Variants in ADCY9 observed in about 807,000 individuals in gnomAD.
ADCY9 encodes the protein adenylate cyclase type 9.
A neutral mutation model predicts 101.5 loss-of-function variants in ADCY9; 50 were observed. That is an observed-to-expected ratio of 0.49 (90% CI 0.39 to 0.62). ADCY9 has a LOEUF of 0.62. ADCY9 is among the 20% of genes least tolerant of loss of function. The pLI, the probability that ADCY9 is intolerant of heterozygous loss-of-function variation, is 0.00. For synonymous variants in ADCY9, 905 were observed against 769.3 expected (o/e 1.18, Z -2.92); for missense variants, 1,662 against 1,800.4 (o/e 0.92, Z 1.39).
chr16:4,102,107 G>A (rs1261182541), intron 2 of ADCY9, among the ~76,000 whole-genome samples: 1 of 152,218 alleles, frequency 6.6e-6, no homozygotes, highest in East Asian at 1.9e-4. Context: ...ACCCTTTAGT[G>A]CAATACGAAA....
intron 2 of ADCY9, among the ~76,000 whole-genome samples, chr16:4,061,727 A>G (rs1306796585): frequency 1.3e-5 from 2 of 152,258 alleles, no homozygotes; most frequent in African/African-American, 4.8e-5. Flanking sequence ...AAGCCCTTCA[A>G]GATGAAAGAA....
Position 3,992,842 on chromosome 16 carries a change from G to T in ADCY9, c.1990-479C>A, listed in dbSNP as rs893007340. Among the ~76,000 whole-genome samples the T allele has an allele frequency of 6.6e-6, 1 of 152,144 alleles. No individual in the cohort carries two copies. The highest frequency in any genetic ancestry group is 1.5e-5 in the Non-Finnish European group (1 of 68,016). On this transcript the variant is annotated intron_variant, in intron 4 of 10. Transcript: ENST00000294016. This position sits in a 1 kb window ranked among gnomAD's most constrained non-coding sequence, Gnocchi z 4.2. Reference sequence around the variant, plus strand: ...TCCCCCGTGGCTGTGGGAAGGCATGGGATGACCTGCACCTGCAATCCTTTG... The same window carrying T: ...TCCCCCGTGGCTGTGGGAAGGCATGTGATGACCTGCACCTGCAATCCTTTG...
chr16:3,982,574 G>C (rs572375272), intron 7 of ADCY9: 1 of 152,352 alleles, frequency 6.6e-6, no homozygotes, highest in Admixed American at 6.5e-5. Flanking sequence ...ACGCACCTGT[G>C]GTCTATTCGG....
At chr16:4,095,442 G>A (rs1383696261) in intron 2 of ADCY9, among the ~76,000 whole-genome samples, 2 of 152,082 alleles carry the variant, frequency 1.3e-5, no homozygotes, top group Non-Finnish European at 2.9e-5. Context: ...AGCAACAAGA[G>A]CAAGCAAGTC....
At chr16:3,956,458 G>A (rs982952620) in intron 5 of ADCY9, among the ~76,000 whole-genome samples, 11 of 138,882 alleles carry the variant, frequency 7.9e-5, no homozygotes, top group Admixed American at 7.5e-4. Flanking sequence ...CTGTTAAACA[G>A]CAGGAAGGAC....
chr16:4,002,296 C>T (rs1484207471), intron 3 of ADCY9, among the ~76,000 whole-genome samples: 1 of 151,972 alleles, frequency 6.6e-6, no homozygotes, highest in Non-Finnish European at 1.5e-5. Context: ...AATGAAAAGC[C>T]CCTTACTTCC....
Position 3,992,351 on chromosome 16 carries a change from G to A in ADCY9, c.2002C>T (p.Pro668Ser), listed in dbSNP as rs2056251663. The change falls in exon 5 of 11, where the codon CCT becomes TCT. Residue 668 changes from proline (P) to serine (S), a missense_variant. Pro to Ser is a moderately conservative substitution (Grantham distance 74, BLOSUM62 -1). This residue lies in a region of ADCY9 where 624 missense variants were observed against 639.1 expected (regional missense o/e 0.98). Coordinates refer to ENST00000294016, the MANE Select transcript of ADCY9 (RefSeq NM_001116.4). This position sits in a 1 kb window ranked among gnomAD's most constrained non-coding sequence, Gnocchi z 4.2. ...HKNSTKASGG[P>S]NPKTQNGLLS... ...AGCCCGTTCTGAGTTTTGGGATTAGGTCCTCCAGAAGCCTGCCTCGAGACA... is the reference window on the plus strand; with the variant it reads ...AGCCCGTTCTGAGTTTTGGGATTAGATCCTCCAGAAGCCTGCCTCGAGACA... 1 of 1,613,840 alleles carries A rather than the reference G, an allele frequency of 6.2e-7. No homozygotes were observed. The highest frequency in any genetic ancestry group is 1.3e-5 in the African/African-American group (1 of 74,892).
intron 5 of ADCY9, among the ~76,000 whole-genome samples, chr16:3,956,530 T>G (rs541773710): frequency 2.6e-5 from 3 of 115,524 alleles, no homozygotes; most frequent in Non-Finnish European, 5.3e-5. Flanking sequence ...TCCCTCTGTC[T>G]CCCAGGCTGG....
rs201367484 is a variant in ADCY9, at chr16:3,966,445, G to A, written c.3392C>T (p.Pro1131Leu). The A allele has an allele frequency of 2.2e-5, 36 of 1,614,124 alleles. No homozygotes were observed. In the Admixed American group the frequency reaches 2.5e-4, roughly 11 times the overall value. Reference protein sequence around the residue: ...NTAQAQDGSHPQEHLQILFEF... With the variant: ...NTAQAQDGSHLQEHLQILFEF... ...GAACAGGATCTGCAGGTGCTCCTGC[G>A]GGTGGCTGCCGTCCTGGGCCTGCGC... Residue 1131 changes from proline to leucine, a missense_variant, in exon 11 of 11, where the codon CCG becomes CTG. Pro to Leu is a moderately conservative substitution (Grantham distance 98). Transcript: ENST00000294016.
rs180981939 is a variant in ADCY9, at chr16:4,048,156, A to C, written c.1694-40598T>G. Reference sequence around the variant, plus strand: ...TTTGGGGGAGGGTGGGCTGGGGAACACAAACACCCAATAATTGGAAATTGT... The same window carrying C: ...TTTGGGGGAGGGTGGGCTGGGGAACCCAAACACCCAATAATTGGAAATTGT... On this transcript the variant is annotated intron_variant, in intron 2 of 10. Coordinates refer to ENST00000294016, the MANE Select transcript of ADCY9 (RefSeq NM_001116.4). Among the ~76,000 whole-genome samples the C allele has an allele frequency of 1.4e-3, 215 of 152,312 alleles. 1 individual carries two copies. In the Middle Eastern group the frequency reaches 0.041, roughly 29 times the overall value.
chr16:4,092,366 C>G (rs2056979076), intron 2 of ADCY9, among the ~76,000 whole-genome samples: 1 of 152,206 alleles, frequency 6.6e-6, no homozygotes, highest in South Asian at 2.1e-4. Context: ...ACAGTGACTC[C>G]TACCAGACGT....
At chr16:4,066,830 T>A (rs2041245) in intron 2 of ADCY9, among the ~76,000 whole-genome samples, 16,497 of 152,260 alleles carry the variant, frequency 0.11, 1,402 homozygotes, top group East Asian at 0.43. Context: ...TTGTAGGAGC[T>A]ATTAGAATTT....
chr16:4,013,426 A>C (rs557129029), intron 2 of ADCY9, among the ~76,000 whole-genome samples: 2 of 152,310 alleles, frequency 1.3e-5, no homozygotes, highest in African/African-American at 4.8e-5. Flanking sequence ...CGTCTCAAAA[A>C]AGAAAAAAAA....
In ADCY9 at chr16:4,102,546, C is replaced by A. The variant is rs1005845843; in HGVS notation, c.1693+11204G>T. The stretch of plus-strand genomic sequence containing the variant: ...ATTCAAGCAATTCTCCTACCTCAGC[C>A]GCCCGAGTAGCTGGGACCACAGGCA... On this transcript the variant is annotated intron_variant, in intron 2 of 10. Transcript: ENST00000294016. Among the ~76,000 whole-genome samples, 3 of 152,158 alleles carry A rather than the reference C, an allele frequency of 2.0e-5. No individual in the cohort carries two copies. In the South Asian group the frequency reaches 6.2e-4, roughly 32 times the overall value.
chr16:4,012,697 G>A (rs1363809764), intron 2 of ADCY9, among the ~76,000 whole-genome samples: 2 of 152,168 alleles, frequency 1.3e-5, no homozygotes, highest in Admixed American at 1.3e-4. Context: ...GTGCGTGGAG[G>A]TTAACGCAGT....
intron 3 of ADCY9, among the ~76,000 whole-genome samples, chr16:4,005,692 G>A (rs1315079938): frequency 2.0e-5 from 3 of 151,790 alleles, no homozygotes; most frequent in Admixed American, 6.6e-5. Context: ...TGCTAAAACC[G>A]TGGTCACTAA....
chr16:3,993,927 A>C (rs967940474), intron 3 of ADCY9, among the ~76,000 whole-genome samples: 3 of 152,170 alleles, frequency 2.0e-5, no homozygotes, highest in African/African-American at 7.2e-5. Flanking sequence ...AATATTCAGA[A>C]AAGGTGAATC....
chr16:4,090,120 T>C (rs975585112), intron 2 of ADCY9, among the ~76,000 whole-genome samples: 1 of 152,024 alleles, frequency 6.6e-6, no homozygotes, highest in African/African-American at 2.4e-5. Flanking sequence ...CATACAAATG[T>C]GTGCCGAGCG....
chr16:3,986,543 C>T (rs1466113422), intron 6 of ADCY9, among the ~76,000 whole-genome samples: 4 of 152,184 alleles, frequency 2.6e-5, no homozygotes, highest in African/African-American at 9.7e-5. Flanking sequence ...CTGCAACCTC[C>T]GCCTCCCGGG....
Sources: allele counts gnomAD v4.1 joint callset (sites outside exome capture counted in the v4.1 genomes callset), GRCh38; gene constraint gnomAD v4.1.1; regional missense constraint gnomAD v4.1.1; non-coding constraint Gnocchi (gnomAD v3.1); transcripts MANE v1.5; gene names NCBI Gene and HGNC (gene_info 2026-07-23, HGNC 2026-07-21).